The following ANKFN1 variants were observed in gnomAD, a reference collection of about 807,000 sequenced individuals.
The protein encoded by ANKFN1 is ankyrin repeat and fibronectin type-III domain-containing protein 1.
ANKFN1 carries 74 observed loss-of-function variants against 108.7 expected under a neutral mutation model. The ratio of observed to expected loss-of-function variants is 0.68; its 90% CI spans 0.56 to 0.83. The LOEUF is 0.83. Among genes scored for constraint, ANKFN1 ranks in the 40% least tolerant of loss-of-function variants. The pLI is 0.00. For synonymous variants in ANKFN1, 547 were observed against 516.2 expected (o/e 1.06, Z -0.81); for missense variants, 1,505 against 1,382.3 (o/e 1.09, Z -1.41).
At position 56,227,686 on chromosome 17, in the gene ANKFN1, A is replaced by G. The variant is rs140703534; in HGVS notation, c.13-231A>G. ...TTGAAATTCTAGGATACTAAGGAGC[A>G]GGGAGCTGAGCATGTGATGAGATAC... On this transcript the variant is annotated intron_variant, in intron 2 of 20. Coordinates refer to ENST00000682825, the MANE Select transcript of ANKFN1 (RefSeq NM_001370326.1). Among the ~76,000 whole-genome samples the G allele has an allele frequency of 3.9e-5, 6 of 152,248 alleles. No individual in the cohort carries two copies. In the East Asian group the frequency reaches 1.2e-3, roughly 29 times the overall value.
In ANKFN1 at chr17:56,055,596, T is replaced by TATATATAC. The variant is rs768200056; in HGVS notation, c.288+9272_288+9273insTATATACA. On this transcript the variant is annotated intron_variant, in intron 4 of 12. Coordinates refer to the ANKFN1 transcript ENST00000635860. ...ATATATATATATATATATGTATATA[T>TATATATAC]ACACATTTTTTTATCCAGTCAATCA... 1.4e-3 allele frequency among the ~76,000 whole-genome samples: 181 copies of TATATATAC among 130,604 alleles called. 8 individuals carry two copies. Among genetic ancestry groups the TATATATAC allele is most frequent in the African/African-American group, 3.4e-3 (110 of 32,352 alleles). 85.7% of individuals were successfully genotyped at this position (130,604 alleles called of 152,430 possible). A position where few individuals can be genotyped will look rare whatever the true frequency, so the allele number is the denominator to read the frequency against.
At chr17:56,094,227 A>G (rs1342797293) in intron 4 of ANKFN1, among the ~76,000 whole-genome samples, 1 of 151,124 alleles carries the variant, frequency 6.6e-6, no homozygotes, top group Non-Finnish European at 1.5e-5. Context: ...TCTGGCCTCT[A>G]GAACTGTGAG....
intron 3 of ANKFN1, among the ~76,000 whole-genome samples, chr17:56,249,298 G>A: frequency 6.6e-6 from 1 of 152,136 alleles, no homozygotes; most frequent in East Asian, 1.9e-4. Flanking sequence ...GCCGGGCATG[G>A]TGGCAGGTGC....
chr17:56,077,918 C>T (rs921569953), intron 4 of ANKFN1, among the ~76,000 whole-genome samples: 1 of 152,220 alleles, frequency 6.6e-6, no homozygotes, highest in African/African-American at 2.4e-5. Context: ...GTTTAAGTCT[C>T]ATAACCACTC....
At chr17:56,306,734 G>A (rs546504822) in intron 3 of ANKFN1, among the ~76,000 whole-genome samples, 1 of 152,222 alleles carries the variant, frequency 6.6e-6, no homozygotes, top group African/African-American at 2.4e-5. Context: ...CTGCCTTAAA[G>A]TTCATATGGA....
chr17:56,396,481 A>C (rs1598523443), intron 8 of ANKFN1, among the ~76,000 whole-genome samples: 1 of 152,206 alleles, frequency 6.6e-6, no homozygotes, highest in East Asian at 1.9e-4. Context: ...TGCAAAGAGC[A>C]GGAAAAAATC....
chr17:56,091,131 A>G (rs1905408353), intron 4 of ANKFN1, among the ~76,000 whole-genome samples: 1 of 151,158 alleles, frequency 6.6e-6, no homozygotes, highest in Non-Finnish European at 1.5e-5. Flanking sequence ...TCTTGTTGAA[A>G]TAAGTAGAAT....
At chr17:56,396,047 CA>C (rs201799240) in intron 8 of ANKFN1, among the ~76,000 whole-genome samples, 1 of 151,858 alleles carries the variant, frequency 6.6e-6, no homozygotes, top group East Asian at 1.9e-4. Context: ...CAAAACAAAA[CA>C]AAAAAAACAA....
At chr17:56,335,968 A>G (rs1030796377) in intron 4 of ANKFN1, among the ~76,000 whole-genome samples, 2 of 152,220 alleles carry the variant, frequency 1.3e-5, no homozygotes, top group East Asian at 1.9e-4. Flanking sequence ...CATCTTTGAG[A>G]TAATCATGTG....
At chr17:56,056,047 T>C (rs1048778632) in intron 4 of ANKFN1, among the ~76,000 whole-genome samples, 1 of 152,094 alleles carries the variant, frequency 6.6e-6, no homozygotes, top group African/African-American at 2.4e-5. Flanking sequence ...TATCAGTTCA[T>C]GTTCTTTGCC....
At chr17:56,264,558 A>G (rs2043600315) in intron 3 of ANKFN1, among the ~76,000 whole-genome samples, 1 of 152,140 alleles carries the variant, frequency 6.6e-6, no homozygotes, top group South Asian at 2.1e-4. Context: ...CACATATCTC[A>G]TGTTCCCTGT....
chr17:56,412,416 C>T (rs754838502), intron 8 of ANKFN1, among the ~76,000 whole-genome samples: 4 of 152,034 alleles, frequency 2.6e-5, no homozygotes, highest in South Asian at 2.1e-4. Context: ...TGTTCCTGGG[C>T]GTGTCTGTGA....
chr17:56,108,970 C>T (rs549554715), intron 4 of ANKFN1, among the ~76,000 whole-genome samples: 1 of 152,292 alleles, frequency 6.6e-6, no homozygotes, highest in Non-Finnish European at 1.5e-5. Context: ...GAACAGGATC[C>T]TGAATGACTA....
intron 4 of ANKFN1, among the ~76,000 whole-genome samples, chr17:56,071,158 C>T (rs1224092922): frequency 6.6e-6 from 1 of 152,194 alleles, no homozygotes; most frequent in Non-Finnish European, 1.5e-5. Flanking sequence ...CTTTCTAACA[C>T]CACCAACACC....
At chr17:56,506,933 TGTAA>T (rs1384124058) in intron 20 of ANKFN1, among the ~76,000 whole-genome samples, 2 of 152,194 alleles carry the variant, frequency 1.3e-5, no homozygotes, top group Admixed American at 1.3e-4. Flanking sequence ...TGAGAATTGC[TGTAA>T]GTGTTAAACA....
At chr17:56,203,956 A>G (rs192980744) in intron 1 of ANKFN1, among the ~76,000 whole-genome samples, 4 of 152,290 alleles carry the variant, frequency 2.6e-5, no homozygotes, top group Middle Eastern at 3.4e-3. Flanking sequence ...CTTTCAGACT[A>G]TGCCTGCTTT....
chr17:56,382,893 C>A (rs2047148478), intron 8 of ANKFN1, among the ~76,000 whole-genome samples: 1 of 152,126 alleles, frequency 6.6e-6, no homozygotes, highest in African/African-American at 2.4e-5. Context: ...GACTTTAACA[C>A]CCCACTGTCA....
intron 3 of ANKFN1, among the ~76,000 whole-genome samples, chr17:56,240,201 A>T (rs1917472669): frequency 6.6e-6 from 1 of 152,240 alleles, no homozygotes; most frequent in South Asian, 2.1e-4. Flanking sequence ...CCACAAAAAA[A>T]TCACAATCCT....
chr17:56,078,623 A>C (rs1478834307), intron 4 of ANKFN1, among the ~76,000 whole-genome samples: 1 of 152,220 alleles, frequency 6.6e-6, no homozygotes, highest in Non-Finnish European at 1.5e-5. Context: ...AGAAATGCTC[A>C]ATAAGTGAAC....
Sources: gnomAD v4.1 joint callset for allele counts (sites outside exome capture counted in the v4.1 genomes callset) on GRCh38, gnomAD v4.1.1 for gene constraint, MANE v1.5 for transcripts, NCBI Gene and HGNC (gene_info 2026-07-23, HGNC 2026-07-21) for gene names.